Variants in SERPINA3 observed in about 807,000 individuals in gnomAD.
The protein encoded by SERPINA3 is alpha-1-antichymotrypsin.
Under a neutral mutation model 26.8 loss-of-function variants are expected in SERPINA3, and 32 were observed. That is an observed-to-expected ratio of 1.20 (90% confidence interval 0.90 to 1.61). The LOEUF is 1.61. Among genes scored for constraint, SERPINA3 ranks in the 40% most tolerant of loss-of-function variants. The probability of loss-of-function intolerance (pLI) is 0.00; values close to 1 mark genes in which losing one functional copy is unlikely to be tolerated. For missense variants in SERPINA3, 632 were observed against 517.9 expected (o/e 1.22, Z -2.14); for synonymous variants, 252 against 206.4 (o/e 1.22, Z -1.89).
chr14:94,614,980 T>A lies in SERPINA3; in HGVS notation c.539T>A (p.Ile180Asn), dbSNP rs538754919. 1 of 1,613,810 alleles carries A rather than the reference T, an allele frequency of 6.2e-7. No homozygotes were observed. Among genetic ancestry groups the A allele is most frequent in the South Asian group, 1.1e-5 (1 of 91,082 alleles). ...FQDSAAAKKL[I>N]NDYVKNGTRG... Reference sequence around the variant, plus strand: ...GACTCAGCTGCAGCTAAGAAGCTCATCAACGACTACGTGAAGAATGGAACT... The same window carrying A: ...GACTCAGCTGCAGCTAAGAAGCTCAACAACGACTACGTGAAGAATGGAACT... Residue 180 changes from isoleucine (I) to asparagine (N), a missense_variant, in exon 2 of 5, where the codon ATC becomes AAC. Transcript: ENST00000393078.
At chr14:94,617,251 T>A (rs972005920) in intron 2 of SERPINA3, among the ~76,000 whole-genome samples, 2 of 152,134 alleles carry the variant, frequency 1.3e-5, no homozygotes, top group African/African-American at 4.8e-5. Flanking sequence ...CTCCAAGGGA[T>A]CTTTACAATT....
chr14:94,614,743 A>G lies in SERPINA3; in HGVS notation c.302A>G (p.Lys101Arg), dbSNP rs776645118. Reference sequence around the variant, plus strand: ...AATACCACCCTGACAGAGATTCTCAAAGGCCTCAAGTTCAACCTCACGGAG... The same window carrying G: ...AATACCACCCTGACAGAGATTCTCAGAGGCCTCAAGTTCAACCTCACGGAG... ...AHNTTLTEILKGLKFNLTETS... is the reference protein window; with the variant it reads ...AHNTTLTEILRGLKFNLTETS... The change falls in exon 2 of 5, where the codon AAA becomes AGA. Residue 101 changes from lysine to arginine, a missense_variant. Physicochemically the swap from Lys to Arg is conservative, Grantham distance 26. Coordinates refer to ENST00000393078, the MANE Select transcript of SERPINA3 (RefSeq NM_001085.5). The G allele has an allele frequency of 6.2e-7, 1 of 1,614,140 alleles. No individual in the cohort carries two copies. Among genetic ancestry groups the G allele is most frequent in the African/African-American group, 1.3e-5 (1 of 75,022 alleles).
intron 3 of SERPINA3, 98 bp downstream of exon 3, chr14:94,619,566 G>A (rs1254859589): frequency 8.9e-6 from 13 of 1,461,308 alleles, no homozygotes; most frequent in Non-Finnish European, 1.1e-5. Context: ...ACTCATACAG[G>A]GACAGGTGGA....
rs370632161 is a variant in SERPINA3, at chr14:94,623,672, C to T, written c.1130C>T (p.Ala377Val). 8 of 1,614,186 alleles carry T rather than the reference C, an allele frequency of 5.0e-6. No homozygotes were observed. Among genetic ancestry groups the T allele is most frequent in the Non-Finnish European group, 6.8e-6 (8 of 1,180,028 alleles). Reference sequence around the variant, plus strand: ...GGCACAGAAGCATCTGCTGCCACAGCAGTCAAAATCACCCTCCTTTCTGCA... The same window carrying T: ...GGCACAGAAGCATCTGCTGCCACAGTAGTCAAAATCACCCTCCTTTCTGCA... ...EEGTEASAAT[A>V]VKITLLSALV... is the part of the protein sequence containing the mutation. The change falls in exon 5 of 5, where the codon GCA becomes GTA. Residue 377 changes from alanine to valine, a missense_variant. Ala to Val is a moderately conservative substitution (Grantham distance 64). Coordinates refer to ENST00000393078, the MANE Select transcript of SERPINA3 (RefSeq NM_001085.5).
intron 3 of SERPINA3, among the ~76,000 whole-genome samples, chr14:94,620,697 T>A (rs955728213): frequency 6.6e-6 from 1 of 152,174 alleles, no homozygotes; most frequent in Admixed American, 6.5e-5. Context: ...GAGCCATGCA[T>A]GTGAGAAGTC....
chr14:94,614,735 G>A lies in SERPINA3; in HGVS notation c.294G>A (p.Glu98=). 6.2e-7 allele frequency: 1 copy of A among 1,614,182 alleles called. No individual in the cohort carries two copies. Among genetic ancestry groups the A allele is most frequent in the Non-Finnish European group, 8.5e-7 (1 of 1,180,028 alleles). The change falls in exon 2 of 5, where the codon GAG becomes GAA. Residue 98 remains glutamate (E), a synonymous_variant. Transcript: ENST00000393078. Reference sequence around the variant, plus strand: ...GGGCCCATAATACCACCCTGACAGAGATTCTCAAAGGCCTCAAGTTCAACC... The same window carrying A: ...GGGCCCATAATACCACCCTGACAGAAATTCTCAAAGGCCTCAAGTTCAACC... ...SLGAHNTTLT[E]ILKGLKFNLT... is the part of the protein sequence containing the mutation.
At chr14:94,618,504 G>A (rs966951557) in intron 2 of SERPINA3, 1 of 155,518 alleles carries the variant, frequency 6.4e-6, no homozygotes, top group African/African-American at 2.4e-5. Context: ...GTCTGTAGAG[G>A]TGGACATGAG....
chr14:94,617,831 TATTTTA>T (rs1886057963), intron 2 of SERPINA3: 3 of 152,206 alleles, frequency 2.0e-5, no homozygotes, highest in Admixed American at 2.0e-4. Flanking sequence ...TAGTAGTATG[TATTTTA>T]GGCTGTGTGG....
At position 94,623,615 on chromosome 14, in the gene SERPINA3, T is replaced by C. The variant is rs1362088363; in HGVS notation, c.1073T>C (p.Val358Ala). 45 of 1,613,828 alleles carry C rather than the reference T, an allele frequency of 2.8e-5. No homozygotes were observed. The highest frequency in any genetic ancestry group is 3.8e-5 in the Non-Finnish European group (45 of 1,180,004). The change falls in exon 5 of 5, where the codon GTC (valine) becomes GCC (alanine). Residue 358 changes from valine to alanine, a missense_variant. Val to Ala is a moderately conservative substitution (Grantham distance 64, BLOSUM62 0). Transcript: ENST00000393078. ...AATGTTCTGCTGTCCCCACAGGTGG[T>C]CCATAAGGCTGTGCTTGATGTATTT... ...GARNLAVSQV[V>A]HKAVLDVFEE...
chr14:94,613,842 C>T (rs897061693), intron 1 of SERPINA3: 3 of 154,814 alleles, frequency 1.9e-5, no homozygotes, highest in South Asian at 4.0e-4. Flanking sequence ...CTTTCATTTC[C>T]CTCTCTCAGT....
chr14:94,620,115 A>G (rs1886145412), intron 3 of SERPINA3: 3 of 353,616 alleles, frequency 8.5e-6, no homozygotes, highest in Non-Finnish European at 1.5e-5. Context: ...GGAAAACTGG[A>G]ACTCGTGTTA....
intron 3 of SERPINA3, among the ~76,000 whole-genome samples, chr14:94,620,437 G>C (rs780417226): frequency 3.9e-5 from 6 of 152,178 alleles, no homozygotes; most frequent in Non-Finnish European, 8.8e-5. Flanking sequence ...GAGGTCAGGA[G>C]TCCCCAAAGG....
Position 94,623,680 on chromosome 14 carries a change from A to G in SERPINA3, c.1138A>G (p.Ile380Val). 1 of 1,614,124 alleles carries G rather than the reference A, an allele frequency of 6.2e-7. No homozygotes were observed. The highest frequency in any genetic ancestry group is 8.5e-7 in the Non-Finnish European group (1 of 1,180,006). ...AGCATCTGCTGCCACAGCAGTCAAA[A>G]TCACCCTCCTTTCTGCATTAGTGGA... ...TEASAATAVK[I>V]TLLSALVETR... is the part of the protein sequence containing the mutation. The change falls in exon 5 of 5, where the codon ATC becomes GTC. Residue 380 changes from isoleucine (I) to valine (V), a missense_variant. By Grantham distance (29) the Ile-to-Val change is conservative. Coordinates refer to ENST00000393078, the MANE Select transcript of SERPINA3 (RefSeq NM_001085.5).
intron 3 of SERPINA3, 54 bp downstream of exon 3, chr14:94,619,522 C>T (rs1177099467): frequency 2.5e-6 from 4 of 1,605,894 alleles, no homozygotes; most frequent in African/African-American, 1.3e-5. Context: ...AAGGTCTCAC[C>T]AATGTCCAGG....
At chr14:94,614,405 C>G in intron 1 of SERPINA3, 29 bp from the exon 2 acceptor site, 1 of 1,606,958 alleles carries the variant, frequency 6.2e-7, no homozygotes, top group Non-Finnish European at 8.5e-7. Context: ...ATCTGGCCCT[C>G]TGAGACTTAA....
chr14:94,621,528 A>G (rs1301938884), intron 3 of SERPINA3, among the ~76,000 whole-genome samples: 2 of 152,172 alleles, frequency 1.3e-5, no homozygotes, highest in Non-Finnish European at 2.9e-5. Flanking sequence ...AGACAGTGAC[A>G]GGCATCTTAA....
chr14:94,616,679 G>A (rs1372348048), intron 2 of SERPINA3, among the ~76,000 whole-genome samples: 2 of 152,176 alleles, frequency 1.3e-5, no homozygotes, highest in Admixed American at 6.5e-5. Flanking sequence ...CAGAAGATGG[G>A]AATTCAAGAA....
In SERPINA3 at chr14:94,623,604, C is replaced by T; in HGVS notation, c.1069-7C>T. 2 of 1,613,484 alleles carry T rather than the reference C, an allele frequency of 1.2e-6. No homozygotes were observed. Among genetic ancestry groups the T allele is most frequent in the Non-Finnish European group, 1.7e-6 (2 of 1,179,786 alleles). ...TTCCCGTGTGTAATGTTCTGCTGTC[C>T]CCACAGGTGGTCCATAAGGCTGTGC... On this transcript the variant is annotated splice_polypyrimidine_tract_variant and splice_region_variant and intron_variant, in intron 4 of 4. Coordinates refer to ENST00000393078, the MANE Select transcript of SERPINA3 (RefSeq NM_001085.5).
chr14:94,621,681 T>A (rs1366348857), intron 3 of SERPINA3, among the ~76,000 whole-genome samples: 1 of 152,110 alleles, frequency 6.6e-6, no homozygotes, highest in Non-Finnish European at 1.5e-5. Context: ...AACCTCCAAT[T>A]GATTGTTTCA....
Sources: gnomAD v4.1 joint callset for allele counts (sites outside exome capture counted in the v4.1 genomes callset) on GRCh38, gnomAD v4.1.1 for gene constraint, MANE v1.5 for transcripts, NCBI Gene and HGNC (gene_info 2026-07-23, HGNC 2026-07-21) for gene names.